NKAIN3: variants seen among roughly 807,000 people sequenced by gnomAD.
NKAIN3 encodes sodium/potassium-transporting ATPase subunit beta-1-interacting protein 3.
NKAIN3 carries 25 observed loss-of-function variants against 30.2 expected under a neutral mutation model. The observed-to-expected ratio is 0.83, with a 90% CI of 0.60 to 1.16. The LOEUF (loss-of-function observed/expected upper bound fraction) is 1.16, where lower values mean the gene tolerates loss of function less well. Among genes scored for constraint, NKAIN3 ranks in the 50% most tolerant of loss-of-function variants. The probability of loss-of-function intolerance (pLI) is 0.00; values close to 1 mark genes in which losing one functional copy is unlikely to be tolerated. For missense variants in NKAIN3, 225 were observed against 254.1 expected, an observed-to-expected ratio of 0.89 and a Z score of 0.78; for synonymous variants, 91 against 89.6, an observed-to-expected ratio of 1.02 and a Z score of -0.09.
chr8:62,509,973 A>G (rs781696228), intron 1 of NKAIN3, among the ~76,000 whole-genome samples: 2 of 152,158 alleles, frequency 1.3e-5, no homozygotes, highest in Non-Finnish European at 2.9e-5. Context: ...TAAGTGACCA[A>G]AAGGATTGAC....
chr8:62,470,522 T>G (rs1040776754), intron 1 of NKAIN3, among the ~76,000 whole-genome samples: 8 of 152,122 alleles, frequency 5.3e-5, no homozygotes, highest in Admixed American at 3.9e-4. Context: ...TGAATCTTTT[T>G]GCTAACTGCA....
chr8:62,625,910 G>A (rs1811773498), intron 3 of NKAIN3, among the ~76,000 whole-genome samples: 1 of 151,956 alleles, frequency 6.6e-6, no homozygotes, highest in African/African-American at 2.4e-5. Context: ...GTCAAAAATT[G>A]TTGTAAGCAC....
intron 1 of NKAIN3, among the ~76,000 whole-genome samples, chr8:62,384,831 C>T (rs548508741): frequency 6.6e-6 from 1 of 152,118 alleles, no homozygotes; most frequent in East Asian, 1.9e-4. Flanking sequence ...AAAGGATGAC[C>T]TCAGGGGTAA....
chr8:62,465,926 G>A (rs1806148106), intron 1 of NKAIN3, among the ~76,000 whole-genome samples: 1 of 152,118 alleles, frequency 6.6e-6, no homozygotes, highest in Non-Finnish European at 1.5e-5. Context: ...GGGAGGCTAA[G>A]GCAGGAGAAT....
chr8:62,933,178 A>C lies in NKAIN3; in HGVS notation c.532+14665A>C, dbSNP rs575962821. ...GTTTTCTTTGAACAGCAATTCATAG[A>C]AAGGGAAAAGGATTTATAAAAGAGA... On this transcript the variant is annotated intron_variant, in intron 5 of 6. Coordinates refer to ENST00000623646, the MANE Select transcript of NKAIN3 (RefSeq NM_001304533.3). Among the ~76,000 whole-genome samples the C allele has an allele frequency of 2.6e-5, 4 of 152,352 alleles. No homozygotes were observed. The South Asian group carries it at 8.3e-4, about 32-fold the overall frequency.
chr8:62,437,047 G>A (rs761115637), intron 1 of NKAIN3, among the ~76,000 whole-genome samples: 4 of 152,112 alleles, frequency 2.6e-5, no homozygotes, highest in Non-Finnish European at 5.9e-5. Context: ...AATTACCTGA[G>A]GTTAAAATAT....
chr8:62,662,077 G>A (rs1293229143), intron 3 of NKAIN3, among the ~76,000 whole-genome samples: 11 of 152,044 alleles, frequency 7.2e-5, no homozygotes, highest in Admixed American at 7.2e-4. Context: ...CCACCAAAAG[G>A]AGCCCCCTGA....
rs59654843 is a variant in NKAIN3, at chr8:62,698,799, G to A, written c.274-48133G>A. 9.9e-3 allele frequency among the ~76,000 whole-genome samples: 1,502 copies of A among 152,162 alleles called. 24 individuals carry two copies. The highest frequency in any genetic ancestry group is 0.034 in the African/African-American group (1,423 of 41,506). On this transcript the variant is annotated intron_variant, in intron 3 of 6. Coordinates refer to ENST00000623646, the MANE Select transcript of NKAIN3 (RefSeq NM_001304533.3). The stretch of plus-strand genomic sequence containing the variant: ...CTTTATTTAAGAAATATAAGTTATT[G>A]GGAAAATGCTGAAAAAGATAATGGA...
rs910217661 is a variant in NKAIN3, at chr8:62,965,364, G to A, written c.614G>A (p.Ser205Asn). 13 of 985,704 alleles carry A rather than the reference G, an allele frequency of 1.3e-5. No individual in the cohort carries two copies. In the Admixed American group the frequency reaches 1.8e-4, roughly 14 times the overall value. The allele number at this position is 985,704 out of a possible 1,614,324, so 61.1% of individuals were successfully genotyped here. The change falls in exon 7 of 7, where the codon AGT (serine) becomes AAT (asparagine). Residue 205 changes from serine to asparagine, a missense_variant. Ser to Asn is a conservative substitution (Grantham distance 46). Coordinates refer to ENST00000623646, the MANE Select transcript of NKAIN3 (RefSeq NM_001304533.3). ...ELKPVKPVEI[S>N]NDIEPEMRLL... ...TATTTTCTGTTTTAGGTCGAAATAA[G>A]TAATGACATTGAACCAGAAATGCGG...
intron 3 of NKAIN3, among the ~76,000 whole-genome samples, chr8:62,642,687 G>A (rs759216105): frequency 3.3e-5 from 5 of 151,946 alleles, no homozygotes; most frequent in Non-Finnish European, 7.4e-5. Flanking sequence ...CTTTTCTTTA[G>A]GAGCTTTTCC....
At chr8:62,640,490 T>G (rs1051338470) in intron 3 of NKAIN3, among the ~76,000 whole-genome samples, 1 of 152,154 alleles carries the variant, frequency 6.6e-6, no homozygotes, top group Non-Finnish European at 1.5e-5. Context: ...TGCCTAGTTT[T>G]GGGTAGTATC....
At chr8:62,294,912 A>C (rs767742795) in intron 1 of NKAIN3, among the ~76,000 whole-genome samples, 1 of 152,148 alleles carries the variant, frequency 6.6e-6, no homozygotes, top group Non-Finnish European at 1.5e-5. Context: ...CAACACTTCT[A>C]TCCTTTCCAG....
intron 4 of NKAIN3, among the ~76,000 whole-genome samples, chr8:62,905,764 C>T (rs1165640164): frequency 6.6e-6 from 1 of 152,184 alleles, no homozygotes; most frequent in East Asian, 1.9e-4. Flanking sequence ...CTTCTCTGGT[C>T]AGTCCTTTTT....
At chr8:62,406,186 A>G (rs1804060807) in intron 1 of NKAIN3, among the ~76,000 whole-genome samples, 1 of 152,220 alleles carries the variant, frequency 6.6e-6, no homozygotes, top group African/African-American at 2.4e-5. Context: ...CATACAAGGT[A>G]TTCAATAAAT....
intron 4 of NKAIN3, among the ~76,000 whole-genome samples, chr8:62,813,499 C>CT (rs34402019): frequency 7.6e-4 from 108 of 141,574 alleles, no homozygotes; most frequent in African/African-American, 2.3e-3. Flanking sequence ...TTGAGTCTTC[C>CT]TTTTTTTTTT....
At chr8:62,882,314 A>G (rs62510841) in intron 4 of NKAIN3, among the ~76,000 whole-genome samples, 10,822 of 152,006 alleles carry the variant, frequency 0.071, 493 homozygotes, top group South Asian at 0.14. Flanking sequence ...TTATTTATTT[A>G]TTATTTAATT....
At chr8:62,850,809 G>T (rs1303741236) in intron 4 of NKAIN3, among the ~76,000 whole-genome samples, 1 of 152,028 alleles carries the variant, frequency 6.6e-6, no homozygotes, top group Non-Finnish European at 1.5e-5. Context: ...TGTTCCATTG[G>T]TCTATATCTC....
rs1019063795 is a variant in NKAIN3, at chr8:62,929,140, CCTTCCAGCCAAAACAAA to C, written c.532+10628_532+10644del. ...ATGCAGGGAATCACTTACTGGAAAGCCTTCCAGCCAAAACAAAGGGCTTGACTTCAGAAGCAGCTTCA... is the reference window on the plus strand; with the variant it reads ...ATGCAGGGAATCACTTACTGGAAAGCGGGCTTGACTTCAGAAGCAGCTTCA... On this transcript the variant is annotated intron_variant, in intron 5 of 6. Transcript: ENST00000623646. Among the ~76,000 whole-genome samples, 4 of 152,148 alleles carry C rather than the reference CCTTCCAGCCAAAACAAA, an allele frequency of 2.6e-5. No homozygotes were observed. In the East Asian group the frequency reaches 7.7e-4, roughly 29 times the overall value.
At chr8:62,440,681 T>G (rs567892226) in intron 1 of NKAIN3, among the ~76,000 whole-genome samples, 2 of 147,698 alleles carry the variant, frequency 1.4e-5, no homozygotes, top group East Asian at 3.9e-4. Context: ...CCCTCCTTCC[T>G]TCTTTTTCTT....
Sources: allele counts gnomAD v4.1 joint callset (sites outside exome capture counted in the v4.1 genomes callset), GRCh38; gene constraint gnomAD v4.1.1; transcripts MANE v1.5; gene names NCBI Gene and HGNC (gene_info 2026-07-23, HGNC 2026-07-21).